UBAP2: variants seen among roughly 807,000 people sequenced by gnomAD.
UBAP2 encodes the protein ubiquitin associated protein 2, also known as ubiquitin-associated protein 2.
UBAP2 carries 75 observed loss-of-function variants against 139.6 expected under a neutral mutation model. That is an observed-to-expected ratio of 0.54 (90% CI 0.45 to 0.65). The LOEUF (loss-of-function observed/expected upper bound fraction) is 0.65. Among genes scored for constraint, UBAP2 ranks in the 30% least tolerant of loss-of-function variants. UBAP2 has a pLI of 0.00. For missense variants in UBAP2, 1,368 were observed against 1,369.6 expected, an observed-to-expected ratio of 1.00 and a Z score of 0.02; for synonymous variants, 526 against 526.2, an observed-to-expected ratio of 1.00 and a Z score of 0.01.
chr9:33,931,036 T>C (rs1303775946), intron 19 of UBAP2, among the ~76,000 whole-genome samples: 1 of 152,178 alleles, frequency 6.6e-6, no homozygotes, highest in African/African-American at 2.4e-5. Flanking sequence ...GAAAAACTTT[T>C]CATTGTCTAT....
chr9:34,039,673 C>A (rs1226077081), intron 1 of UBAP2, among the ~76,000 whole-genome samples: 1 of 151,778 alleles, frequency 6.6e-6, no homozygotes, highest in Non-Finnish European at 1.5e-5. Context: ...ATCACCACTC[C>A]CTAATCTCAA....
At chr9:34,032,629 T>C (rs1474797580) in intron 1 of UBAP2, among the ~76,000 whole-genome samples, 1 of 152,094 alleles carries the variant, frequency 6.6e-6, no homozygotes, top group Non-Finnish European at 1.5e-5. Flanking sequence ...AGATTAAGAA[T>C]CTTTGTTTCT....
intron 1 of UBAP2, among the ~76,000 whole-genome samples, chr9:34,020,022 T>A (rs1824775283): frequency 1.3e-5 from 2 of 151,620 alleles, no homozygotes; most frequent in South Asian, 2.1e-4. Context: ...TAGCCAGGCA[T>A]GGTGGCAGAC....
At position 33,928,112 on chromosome 9, in the gene UBAP2, C is replaced by T. The variant is rs2130866236; in HGVS notation, c.2176-120G>A. 2.9e-6 allele frequency: 3 copies of T among 1,049,292 alleles called. No homozygotes were observed. In the East Asian group the frequency reaches 7.8e-5, roughly 27 times the overall value. The allele number at this position is 1,049,292 out of a possible 1,614,324, so 65.0% of individuals were successfully genotyped here. A position where few individuals can be genotyped will look rare whatever the true frequency, so the allele number is the denominator to read the frequency against. On this transcript the variant is annotated intron_variant, in intron 19 of 28. Coordinates refer to ENST00000379238, the MANE Select transcript of UBAP2 (RefSeq NM_001370062.2). ...CTGAGCAGGCAGGCAATGATGTAAC[C>T]ACCCAGGCTCCCTTAAGGTGAGAGG...
intron 12 of UBAP2, chr9:33,948,933 A>G (rs1416140835): frequency 1.5e-5 from 3 of 203,464 alleles, no homozygotes; most frequent in Admixed American, 1.1e-4. Context: ...GTGGATTACA[A>G]GGTCAGGCGG....
chr9:33,941,565 A>AT lies in UBAP2; in HGVS notation c.1929+83dup, dbSNP rs1825203008. 4 of 1,185,214 alleles carry AT rather than the reference A, an allele frequency of 3.4e-6. No homozygotes were observed. In the African/African-American group the frequency reaches 4.6e-5, roughly 13 times the overall value. The allele number at this position is 1,185,214 out of a possible 1,614,324, so 73.4% of individuals were successfully genotyped here. On this transcript the variant is annotated intron_variant, in intron 16 of 28. Transcript: ENST00000379238. ...GTTAGTCAATTTGTAAAATAAAATC[A>AT]TATCCAAGAAGCATAATTTAACCAA...
chr9:33,982,602 A>G (rs1820860085), intron 6 of UBAP2, among the ~76,000 whole-genome samples: 1 of 152,184 alleles, frequency 6.6e-6, no homozygotes, highest in Non-Finnish European at 1.5e-5. Flanking sequence ...TGAGAAAATT[A>G]TATGAACAGC....
At chr9:33,965,438 C>T (rs550827271) in intron 8 of UBAP2, among the ~76,000 whole-genome samples, 1 of 152,262 alleles carries the variant, frequency 6.6e-6, no homozygotes, top group South Asian at 2.1e-4. Context: ...AAGAATTTTA[C>T]AATTTTTGAT....
chr9:34,014,429 G>A (rs1329076718), intron 2 of UBAP2, among the ~76,000 whole-genome samples: 1 of 151,432 alleles, frequency 6.6e-6, no homozygotes, highest in South Asian at 2.1e-4. Context: ...AGGTGTTGGA[G>A]ACCAGGCTGG....
intron 10 of UBAP2, among the ~76,000 whole-genome samples, chr9:33,956,782 C>G (rs1310605579): frequency 6.6e-6 from 1 of 152,026 alleles, no homozygotes; most frequent in East Asian, 1.9e-4. Flanking sequence ...AATGAGAATA[C>G]CAATAAACCC....
At chr9:33,927,732 G>A (rs1210691374) in intron 20 of UBAP2, 65 bp downstream of exon 20, 8 of 1,513,628 alleles carry the variant, frequency 5.3e-6, no homozygotes, top group Non-Finnish European at 7.1e-6. Context: ...CTGCCTTCCT[G>A]GGACGCCAAG....
At chr9:33,973,066 G>T in intron 7 of UBAP2, 117 bp downstream of exon 7, 1 of 875,444 alleles carries the variant, frequency 1.1e-6, no homozygotes, top group Non-Finnish European at 1.8e-6. Context: ...ATCTCTTTAA[G>T]TATAGAAAAC....
At chr9:34,012,534 A>AG (rs1385218085) in intron 2 of UBAP2, among the ~76,000 whole-genome samples, 1 of 151,762 alleles carries the variant, frequency 6.6e-6, no homozygotes, top group African/African-American at 2.4e-5. Context: ...GTCTCAAAAA[A>AG]AAAAAAAGGC....
intron 8 of UBAP2, among the ~76,000 whole-genome samples, chr9:33,967,145 AT>A (rs992047852): frequency 3.3e-5 from 5 of 152,060 alleles, no homozygotes; most frequent in Non-Finnish European, 7.4e-5. Flanking sequence ...GCTATTAGCA[AT>A]TTTTTTCCAT....
intron 9 of UBAP2, among the ~76,000 whole-genome samples, chr9:33,961,209 T>G (rs1387155343): frequency 1.3e-5 from 2 of 152,246 alleles, no homozygotes; most frequent in Non-Finnish European, 2.9e-5. Flanking sequence ...AAAGTATGGA[T>G]GTAGCACAAA....
rs566722401 is a variant in UBAP2, at chr9:34,043,243, C to A, written c.-42+5582G>T. On this transcript the variant is annotated intron_variant, in intron 1 of 28. Transcript: ENST00000379238. Reference sequence around the variant, plus strand: ...CTGAAGTGCAGTGGCACAATCACAGCCCACTGCAGTCTCAACCACCCAGGC... The same window carrying A: ...CTGAAGTGCAGTGGCACAATCACAGACCACTGCAGTCTCAACCACCCAGGC... Among the ~76,000 whole-genome samples the A allele has an allele frequency of 3.0e-4, 46 of 152,244 alleles. 1 individual carries two copies. The highest frequency in any genetic ancestry group is 1.0e-3 in the African/African-American group (43 of 41,548).
chr9:33,947,279 C>T (rs1261482055), intron 13 of UBAP2, among the ~76,000 whole-genome samples: 2 of 152,136 alleles, frequency 1.3e-5, no homozygotes. Flanking sequence ...ATGCCCTAAC[C>T]ATAAACCAGC....
chr9:34,038,527 T>C (rs1234188041), intron 1 of UBAP2, among the ~76,000 whole-genome samples: 3 of 152,226 alleles, frequency 2.0e-5, no homozygotes, highest in Non-Finnish European at 4.4e-5. Flanking sequence ...GCGAGTGATC[T>C]GCCAGCCTAG....
At chr9:34,007,792 C>T (rs958853740) in intron 2 of UBAP2, among the ~76,000 whole-genome samples, 2 of 151,854 alleles carry the variant, frequency 1.3e-5, no homozygotes, top group African/African-American at 4.8e-5. Context: ...GCACCCGCCA[C>T]CACTCCCGGC....
Sources: allele counts gnomAD v4.1 joint callset (sites outside exome capture counted in the v4.1 genomes callset), GRCh38; gene constraint gnomAD v4.1.1; transcripts MANE v1.5; gene names NCBI Gene and HGNC (gene_info 2026-07-23, HGNC 2026-07-21).